Variants in HTT-AS observed in about 807,000 individuals in gnomAD.
HTT-AS encodes the protein HTT antisense RNA (head to head).
In HTT-AS at chr4:3,063,055, G is replaced by A. The variant is rs899856457; in HGVS notation, n.759C>T. On this transcript the variant is annotated non_coding_transcript_exon_variant, in exon 2 of 3. Transcript: ENST00000664062. The stretch of plus-strand genomic sequence containing the variant: ...GGGTTGGAGCCTTTAGTAGGGGGTC[G>A]GAGACACGACGTAGCCTTCATGACA... Among the ~76,000 whole-genome samples the A allele has an allele frequency of 3.9e-5, 6 of 152,184 alleles. No individual in the cohort carries two copies. In the East Asian group the frequency reaches 9.7e-4, roughly 25 times the overall value.
chr4:3,074,487 G>T (rs1578474249), exon 1 of HTT-AS: 2 of 242,184 alleles, frequency 8.3e-6, no homozygotes, highest in East Asian at 1.2e-4. Context: ...TCGCCCGGGT[G>T]GGGCGCTGCG....
At chr4:3,069,253 C>G (rs28398130) in intron 1 of HTT-AS, among the ~76,000 whole-genome samples, 8,765 of 151,678 alleles carry the variant, frequency 0.058, 452 homozygotes, top group African/African-American at 0.13. Context: ...TCAGGCCATC[C>G]TCCCACCTAG....
At chr4:3,057,753 C>T (rs1711836145) in intron 2 of HTT-AS, among the ~76,000 whole-genome samples, 2 of 152,094 alleles carry the variant, frequency 1.3e-5, no homozygotes, top group South Asian at 4.2e-4. Flanking sequence ...TCTGCCTCAG[C>T]CTCCTGAGTA....
At chr4:3,053,789 A>C (rs1337641922) in intron 2 of HTT-AS, among the ~76,000 whole-genome samples, 1 of 128,260 alleles carries the variant, frequency 7.8e-6, no homozygotes, top group African/African-American at 3.0e-5. Context: ...ATGGAGTTTC[A>C]CTCTTGTTGC....
intron 2 of HTT-AS, among the ~76,000 whole-genome samples, chr4:3,052,773 G>C (rs1560528726): frequency 6.6e-6 from 1 of 152,094 alleles, no homozygotes; most frequent in Non-Finnish European, 1.5e-5. Flanking sequence ...TGGATTGCCT[G>C]AGCTCAGGAG....
rs1711777001 is a variant in HTT-AS at position 3,054,828 on chromosome 4, C to G, written n.1381-5130G>C. 2.0e-5 allele frequency among the ~76,000 whole-genome samples: 3 copies of G among 151,790 alleles called. No individual in the cohort carries two copies. The South Asian group carries it at 6.2e-4, about 31-fold the overall frequency. ...CCCCTGGGTTTAAGCGATTCTCCTG[C>G]CTCAGCCTCTGGAGTAGCTGTGATT... On this transcript the variant is annotated intron_variant and non_coding_transcript_variant, in intron 2 of 2. Coordinates refer to ENST00000664062, the Ensembl canonical transcript of HTT-AS.
In HTT-AS at chr4:3,066,390, G is replaced by A. The variant is rs369039272; in HGVS notation, n.114-2690C>T. ...TCACCATGTTGGCCAGGATGGTCTC[G>A]ATCTCTTGACGTCATGATCTGTCCA... On this transcript the variant is annotated intron_variant and non_coding_transcript_variant, in intron 1 of 2. Coordinates refer to ENST00000664062, the Ensembl canonical transcript of HTT-AS. 1.8e-4 allele frequency among the ~76,000 whole-genome samples: 27 copies of A among 152,232 alleles called. 2 individuals are homozygous for A. The highest frequency in any genetic ancestry group is 1.2e-3 in the East Asian group (6 of 5,180).
chr4:3,065,574 T>G (rs1177911039), intron 1 of HTT-AS, among the ~76,000 whole-genome samples: 3 of 152,190 alleles, frequency 2.0e-5, no homozygotes, highest in Non-Finnish European at 2.9e-5. Context: ...TGGGGTTACC[T>G]CTAGATAAAT....
In HTT-AS at chr4:3,071,489, T is replaced by C. The variant is rs191309000; in HGVS notation, n.113+2937A>G. Among the ~76,000 whole-genome samples the C allele has an allele frequency of 3.3e-5, 5 of 152,292 alleles. No homozygotes were observed. The East Asian group carries it at 7.7e-4, about 24-fold the overall frequency. ...TCCCTGGCTAGCACTTACTTAGTTA[T>C]ATGGCCATAGCTAGCTGAAGGAAGG... On this transcript the variant is annotated intron_variant and non_coding_transcript_variant, in intron 1 of 2. Coordinates refer to ENST00000664062, the Ensembl canonical transcript of HTT-AS.
chr4:3,046,931 T>G (rs1711597413), downstream of HTT-AS, among the ~76,000 whole-genome samples: 2 of 152,318 alleles, frequency 1.3e-5, no homozygotes, highest in South Asian at 4.1e-4. Context: ...TAGGTGAGTG[T>G]GGGCGGCAAG....
At chr4:3,048,692 T>C (rs1453239370), downstream of HTT-AS, among the ~76,000 whole-genome samples, 1 of 152,244 alleles carries the variant, frequency 6.6e-6, no homozygotes, top group Non-Finnish European at 1.5e-5. Flanking sequence ...TAGTCAATTC[T>C]ATTATTTAGC....
At chr4:3,058,269 T>C (rs186788913) in intron 2 of HTT-AS, among the ~76,000 whole-genome samples, 7 of 151,650 alleles carry the variant, frequency 4.6e-5, no homozygotes, top group Admixed American at 4.6e-4. Flanking sequence ...GAGGTTGTGG[T>C]GAGCCGAGAT....
At chr4:3,051,855 C>G (rs1344455600) in intron 2 of HTT-AS, among the ~76,000 whole-genome samples, 2 of 150,126 alleles carry the variant, frequency 1.3e-5, no homozygotes, top group African/African-American at 5.1e-5. Context: ...GATGGCCCAA[C>G]AAGCTGGTCA....
Position 3,073,859 on chromosome 4 carries a change from A to G in HTT-AS, n.113+567T>C, listed in dbSNP as rs972401027. Among the ~76,000 whole-genome samples the G allele has an allele frequency of 9.2e-5, 14 of 152,206 alleles. No individual in the cohort carries two copies. In the East Asian group the frequency reaches 2.7e-3, roughly 30 times the overall value. On this transcript the variant is annotated intron_variant and non_coding_transcript_variant, in intron 1 of 2. Coordinates refer to ENST00000664062, the Ensembl canonical transcript of HTT-AS. ...GGCTCCCCGCAGGGCTGTCCGGGTGAGTATGGCTCTGGCCACGGGCCAGTG... is the reference window on the plus strand; with the variant it reads ...GGCTCCCCGCAGGGCTGTCCGGGTGGGTATGGCTCTGGCCACGGGCCAGTG...
At chr4:3,063,609 A>AG (rs1250252415) in exon 2 of HTT-AS, 2 of 152,322 alleles carry the variant, frequency 1.3e-5, no homozygotes, top group Non-Finnish European at 2.9e-5. Flanking sequence ...GCTTGGAGAG[A>AG]GGGGGCTTCT....
chr4:3,066,269 A>G (rs562913800), intron 1 of HTT-AS, among the ~76,000 whole-genome samples: 1 of 152,220 alleles, frequency 6.6e-6, no homozygotes, highest in African/African-American at 2.4e-5. Context: ...TCCCTGGTTC[A>G]AGCGATTCTC....
chr4:3,063,127 T>A lies in HTT-AS; in HGVS notation n.687A>T, dbSNP rs367551702. Among the ~76,000 whole-genome samples, 471 of 152,262 alleles carry A rather than the reference T, an allele frequency of 3.1e-3. 1 individual carries two copies. Among genetic ancestry groups the A allele is most frequent in the Non-Finnish European group, 5.0e-3 (341 of 68,012 alleles). ...CCCTGTAAGGGTCAGTTGAAGTAAG[T>A]GCTACAAAGGAAGGGAGGTGCTCAG... On this transcript the variant is annotated non_coding_transcript_exon_variant, in exon 2 of 3. Transcript: ENST00000664062.
At chr4:3,050,413 C>G (rs1177336440) in intron 2 of HTT-AS, among the ~76,000 whole-genome samples, 1 of 152,172 alleles carries the variant, frequency 6.6e-6, no homozygotes, top group Non-Finnish European at 1.5e-5. Context: ...GCCAGTCAGT[C>G]TTTTCATTAA....
chr4:3,050,287 A>G (rs776891915), intron 2 of HTT-AS, among the ~76,000 whole-genome samples: 2 of 152,242 alleles, frequency 1.3e-5, no homozygotes, highest in Non-Finnish European at 2.9e-5. Flanking sequence ...CATGGATTTC[A>G]TTCAAATTGT....
Sources: gnomAD v4.1 joint callset for allele counts (sites outside exome capture counted in the v4.1 genomes callset) on GRCh38, gnomAD v4.1.1 for gene constraint, MANE v1.5 for transcripts, NCBI Gene and HGNC (gene_info 2026-07-23, HGNC 2026-07-21) for gene names.